Variants in ARHGAP6 observed in about 807,000 individuals in gnomAD.
ARHGAP6 encodes the protein Rho GTPase activating protein 6.
A neutral mutation model predicts 55.7 loss-of-function variants in ARHGAP6; 16 were observed. That is an observed-to-expected ratio of 0.29 (90% CI 0.19 to 0.44). The LOEUF is 0.44. Among genes scored for constraint, ARHGAP6 ranks in the 20% least tolerant of loss-of-function variants. The probability of loss-of-function intolerance (pLI) is 1.00; values close to 1 mark genes in which losing one functional copy is unlikely to be tolerated. For missense variants in ARHGAP6, 698 were observed against 808.9 expected, an observed-to-expected ratio of 0.86 and a Z score of 1.66; for synonymous variants, 382 against 360.9, an observed-to-expected ratio of 1.06 and a Z score of -0.66.
chrX:11,657,305 A>G lies in ARHGAP6; in HGVS notation c.588+6936T>C, dbSNP rs7879197. On this transcript the variant is annotated intron_variant, in intron 1 of 12. Transcript: ENST00000337414. ...GGGGTCACAGCAAATGAGAACCCAA[A>G]CTAGGCAGTGACATTGTGAATGAAC... Among the ~76,000 whole-genome samples the G allele has an allele frequency of 8.6e-3, 950 of 109,917 alleles. 10 individuals are homozygous for G. Among genetic ancestry groups the G allele is most frequent in the South Asian group, 0.03 (76 of 2,535 alleles).
At chrX:11,623,696 CAAA>C (rs60192011) in intron 1 of ARHGAP6, among the ~76,000 whole-genome samples, 585 of 57,885 alleles carry the variant, frequency 0.01, 4 homozygotes, top group African/African-American at 0.032. Flanking sequence ...GACTCGGTCT[CAAA>C]AAAAAAAAAA....
chrX:11,151,283 G>C (rs2045772839), intron 10 of ARHGAP6, among the ~76,000 whole-genome samples: 1 of 99,722 alleles, frequency 1.0e-5, no homozygotes, highest in South Asian at 4.7e-4. Context: ...TTTCCCCCTA[G>C]AGACAAGGTC....
chrX:11,459,071 C>T (rs1263893831), intron 1 of ARHGAP6, among the ~76,000 whole-genome samples: 1 of 110,188 alleles, frequency 9.1e-6, no homozygotes, highest in African/African-American at 3.3e-5. Flanking sequence ...AAGAGTGCTC[C>T]AGGAAAAGAC....
intron 1 of ARHGAP6, among the ~76,000 whole-genome samples, chrX:11,537,606 C>T (rs1201556157): frequency 8.9e-6 from 1 of 112,173 alleles, no homozygotes. Flanking sequence ...AAGTTCTGAA[C>T]TTTTGTTCAA....
chrX:11,404,460 C>CT (rs1196788970), intron 1 of ARHGAP6, among the ~76,000 whole-genome samples: 2 of 111,967 alleles, frequency 1.8e-5, no homozygotes, highest in African/African-American at 6.5e-5. Context: ...AAAATAATCC[C>CT]TTTGTTTTGC....
chrX:11,395,548 A>G (rs1168763152), intron 1 of ARHGAP6, among the ~76,000 whole-genome samples: 6 of 112,260 alleles, frequency 5.3e-5, no homozygotes, highest in African/African-American at 1.9e-4. Context: ...ACATGCAGTT[A>G]GGAAGAGATG....
rs572396714 is a variant in ARHGAP6 at position 11,196,135 on chromosome X, A to AAAAACAAAACAAAACAAAAC, written c.820+770_820+789dup. On this transcript the variant is annotated intron_variant, in intron 3 of 12. Coordinates refer to ENST00000337414, the MANE Select transcript of ARHGAP6 (RefSeq NM_013427.3). Reference sequence around the variant, plus strand: ...GGTGACAGAGCGAGACTCTGTCTCAAAAAACAAAACAAAACAAAACAAAAC... The same window carrying AAAAACAAAACAAAACAAAAC: ...GGTGACAGAGCGAGACTCTGTCTCAAAAAACAAAACAAAACAAAACAAAACAAAACAAAACAAAACAAAAC... Among the ~76,000 whole-genome samples the AAAAACAAAACAAAACAAAAC allele has an allele frequency of 6.1e-4, 61 of 100,699 alleles. 1 individual carries two copies. Among genetic ancestry groups the AAAAACAAAACAAAACAAAAC allele is most frequent in the African/African-American group, 2.0e-3 (53 of 26,393 alleles). The allele number at this position is 100,699 out of a possible 115,157, so 87.4% of individuals were successfully genotyped here. A position where few individuals can be genotyped will look rare whatever the true frequency, so the allele number is the denominator to read the frequency against.
intron 1 of ARHGAP6, among the ~76,000 whole-genome samples, chrX:11,292,822 C>T (rs1416167964): frequency 1.8e-5 from 2 of 111,978 alleles, no homozygotes; most frequent in African/African-American, 3.2e-5. Flanking sequence ...GGGCTTTGTC[C>T]CCTGTTTTGG....
chrX:11,507,769 T>TC (rs2147863948), intron 1 of ARHGAP6, among the ~76,000 whole-genome samples: 1 of 111,561 alleles, frequency 9.0e-6, no homozygotes, highest in African/African-American at 3.3e-5. Context: ...GGACTGTCAA[T>TC]CCCCCACTTT....
At chrX:11,615,378 T>C (rs2052151519) in intron 1 of ARHGAP6, among the ~76,000 whole-genome samples, 1 of 112,199 alleles carries the variant, frequency 8.9e-6, no homozygotes, top group African/African-American at 3.2e-5. Flanking sequence ...TCATTCTTTT[T>C]TCTACTCCCA....
chrX:11,470,067 G>A (rs2050333055), intron 1 of ARHGAP6, among the ~76,000 whole-genome samples: 1 of 111,927 alleles, frequency 8.9e-6, no homozygotes, highest in Non-Finnish European at 1.9e-5. Context: ...GTTGTAAGTT[G>A]TAGGTATGTT....
intron 1 of ARHGAP6, among the ~76,000 whole-genome samples, chrX:11,487,429 G>T (rs1269332424): frequency 1.8e-5 from 2 of 111,913 alleles, no homozygotes; most frequent in Non-Finnish European, 3.8e-5. Flanking sequence ...AAAGAATGAT[G>T]GGGACATATT....
At chrX:11,513,925 G>T (rs1199817275) in intron 1 of ARHGAP6, among the ~76,000 whole-genome samples, 2 of 110,079 alleles carry the variant, frequency 1.8e-5, no homozygotes, top group African/African-American at 6.6e-5. Flanking sequence ...ATTTTGGGAG[G>T]CCAAGAAGGG....
chrX:11,191,979 C>T (rs1359182592), intron 3 of ARHGAP6, among the ~76,000 whole-genome samples: 1 of 111,727 alleles, frequency 9.0e-6, no homozygotes, highest in Non-Finnish European at 1.9e-5. Flanking sequence ...TAACCATCCT[C>T]ATCACTCTGG....
At chrX:11,297,926 C>A (rs1238324156) in intron 1 of ARHGAP6, among the ~76,000 whole-genome samples, 2 of 112,315 alleles carry the variant, frequency 1.8e-5, no homozygotes, top group Non-Finnish European at 3.8e-5. Context: ...CCTGTGTAAC[C>A]TCAGTCAAGT....
intron 1 of ARHGAP6, among the ~76,000 whole-genome samples, chrX:11,582,985 G>A (rs1183914431): frequency 8.9e-6 from 1 of 111,962 alleles, no homozygotes; most frequent in African/African-American, 3.2e-5. Context: ...TAGCACATAT[G>A]TAACACTATG....
chrX:11,319,694 A>G (rs896166308), intron 1 of ARHGAP6, among the ~76,000 whole-genome samples: 2 of 112,737 alleles, frequency 1.8e-5, no homozygotes, highest in African/African-American at 3.2e-5. Flanking sequence ...ATAAAATTAT[A>G]AGATACAAAA....
chrX:11,520,093 C>T (rs1238949068), intron 1 of ARHGAP6, among the ~76,000 whole-genome samples: 1 of 83,052 alleles, frequency 1.2e-5, no homozygotes, highest in East Asian at 3.9e-4. Context: ...TCTCATCTGA[C>T]AAAGGGCCAA....
intron 2 of ARHGAP6, among the ~76,000 whole-genome samples, chrX:11,209,440 C>T (rs1379578699): frequency 8.9e-6 from 1 of 112,153 alleles, no homozygotes; most frequent in Non-Finnish European, 1.9e-5. Flanking sequence ...CCACTGTGCC[C>T]AGCCACTTAC....
Sources: allele counts gnomAD v4.1 joint callset (sites outside exome capture counted in the v4.1 genomes callset), GRCh38; gene constraint gnomAD v4.1.1; transcripts MANE v1.5; gene names NCBI Gene and HGNC (gene_info 2026-07-23, HGNC 2026-07-21).